GM2A: variants seen among roughly 807,000 people sequenced by gnomAD.
GM2A encodes ganglioside GM2 activator, also known as GM2 ganglioside activator.
Under a neutral mutation model 12.9 loss-of-function variants are expected in GM2A, and 7 were observed. That is an observed-to-expected ratio of 0.54 (90% CI 0.31 to 1.02). GM2A has a LOEUF of 1.02. Among genes scored for constraint, GM2A ranks in the 50% least tolerant of loss-of-function variants. The probability of loss-of-function intolerance (pLI) is 0.05; values close to 1 mark genes in which losing one functional copy is unlikely to be tolerated. For synonymous variants in GM2A, 101 were observed against 96.0 expected (o/e 1.05, Z -0.30); for missense variants, 246 against 241.0 (o/e 1.02, Z -0.14).
Position 151,267,394 on chromosome 5 carries a change from C to G in GM2A, c.525C>G (p.Ser175Arg). ...ACTACCGCATAGAGAGCGTCCTGAG[C>G]AGCAGTGGGAAGCGTCTGGGCTGCA... ...TGNYRIESVL[S>R]SSGKRLGCIK... The change falls in exon 4 of 4, where the codon AGC becomes AGG. Residue 175 changes from serine (S) to arginine (R), a missense_variant. Transcript: ENST00000357164. The G allele has an allele frequency of 6.2e-7, 1 of 1,614,176 alleles. No homozygotes were observed. Among genetic ancestry groups the G allele is most frequent in the South Asian group, 1.1e-5 (1 of 91,072 alleles).
At chr5:151,257,362 G>T (rs904784000) in intron 1 of GM2A, among the ~76,000 whole-genome samples, 9 of 151,986 alleles carry the variant, frequency 5.9e-5, no homozygotes, top group African/African-American at 2.2e-4. Flanking sequence ...GGAAAGAAGA[G>T]CTTAGGAGAG....
chr5:151,259,662 C>G (rs1421838907), intron 1 of GM2A, 93 bp from the exon 2 acceptor site: 2 of 1,222,306 alleles, frequency 1.6e-6, no homozygotes, highest in East Asian at 4.8e-5. Flanking sequence ...CCCAAGGTCA[C>G]TCTGCCAGGA....
intron 1 of GM2A, among the ~76,000 whole-genome samples, chr5:151,258,906 G>A (rs1394792437): frequency 6.6e-6 from 1 of 152,138 alleles, no homozygotes; most frequent in Non-Finnish European, 1.5e-5. Context: ...GGAGAGGTGA[G>A]AGTGGGTGGG....
chr5:151,267,030 T>C, intron 3 of GM2A, 117 bp downstream of exon 3: 1 of 951,166 alleles, frequency 1.1e-6, no homozygotes, highest in Non-Finnish European at 1.7e-6. Flanking sequence ...TGTAAGCCAG[T>C]GTGACCTATC....
chr5:151,264,539 CA>C (rs2127238912), intron 2 of GM2A, among the ~76,000 whole-genome samples: 1 of 152,254 alleles, frequency 6.6e-6, no homozygotes, highest in African/African-American at 2.4e-5. Flanking sequence ...ATTGGCGACA[CA>C]AGGAGAGAGT....
Position 151,269,397 on chromosome 5 carries a change from G to T in GM2A, c.*1946G>T. On this transcript the variant is annotated 3_prime_UTR_variant, in exon 4 of 4. Transcript: ENST00000357164. ...GACGGACCCTTCTGCAGGAGCTTGA[G>T]CTTGCTTGTTGTCTCTGCTTCATCG... is the stretch of plus-strand genomic sequence containing the variant. 1 of 985,424 alleles carries T rather than the reference G, an allele frequency of 1.0e-6. No homozygotes were observed. The highest frequency in any genetic ancestry group is 1.2e-6 in the Non-Finnish European group (1 of 829,952). The allele number at this position is 985,424 out of a possible 1,614,324, so 61.0% of individuals were successfully genotyped here.
chr5:151,262,985 C>G (rs1317026738), intron 2 of GM2A, among the ~76,000 whole-genome samples: 1 of 152,148 alleles, frequency 6.6e-6, no homozygotes, highest in Non-Finnish European at 1.5e-5. Context: ...GCTTTATTAC[C>G]TTTCATAAAT....
rs116436311 is a variant in GM2A at position 151,253,403 on chromosome 5, G to C, written c.81+106G>C. 972 of 784,312 alleles carry C rather than the reference G, an allele frequency of 1.2e-3. 3 individuals carry two copies. In the African/African-American group the frequency reaches 0.015, roughly 12 times the overall value. 48.6% of individuals were successfully genotyped at this position (784,312 alleles called of 1,614,324 possible). On this transcript the variant is annotated intron_variant, in intron 1 of 3. Transcript: ENST00000357164. Reference sequence around the variant, plus strand: ...GTGGCCACTCCGTTCTCTAGAATTGGTTCTCTGCACTAGAGCCTTCCAAAG... The same window carrying C: ...GTGGCCACTCCGTTCTCTAGAATTGCTTCTCTGCACTAGAGCCTTCCAAAG...
Position 151,267,365 on chromosome 5 carries a change from G to A in GM2A, c.496G>A (p.Gly166Arg), listed in dbSNP as rs764022955. The change falls in exon 4 of 4, where the codon GGG (glycine) becomes AGG (arginine). Residue 166 changes from glycine (G) to arginine (R), a missense_variant. Coordinates refer to ENST00000357164, the MANE Select transcript of GM2A (RefSeq NM_000405.5). ...DLELPSWLTTGNYRIESVLSS... is the reference protein window; with the variant it reads ...DLELPSWLTTRNYRIESVLSS... Reference sequence around the variant, plus strand: ...GGAGCTGCCCAGTTGGCTCACCACCGGGAACTACCGCATAGAGAGCGTCCT... The same window carrying A: ...GGAGCTGCCCAGTTGGCTCACCACCAGGAACTACCGCATAGAGAGCGTCCT... The A allele has an allele frequency of 4.2e-5, 67 of 1,614,050 alleles. No individual in the cohort carries two copies. Among genetic ancestry groups the A allele is most frequent in the Admixed American group, 6.7e-5 (4 of 60,008 alleles).
Position 151,267,648 on chromosome 5 carries a change from T to G in GM2A, c.*197T>G. 17 of 1,508,690 alleles carry G rather than the reference T, an allele frequency of 1.1e-5. No homozygotes were observed. Among genetic ancestry groups the G allele is most frequent in the Non-Finnish European group, 1.5e-5 (17 of 1,129,322 alleles). The allele number at this position is 1,508,690 out of a possible 1,614,324, so 93.5% of individuals were successfully genotyped here. ...CAAGCAGCCCTGACCTAAGGGAGAA[T>G]GAGTTGGACAGTTCTTGATAGCCCA... is the stretch of plus-strand genomic sequence containing the variant. On this transcript the variant is annotated 3_prime_UTR_variant, in exon 4 of 4. Coordinates refer to ENST00000357164, the MANE Select transcript of GM2A (RefSeq NM_000405.5).
intron 2 of GM2A, among the ~76,000 whole-genome samples, chr5:151,264,532 G>A (rs558851970): frequency 6.6e-6 from 1 of 152,172 alleles, no homozygotes. Context: ...TTAGGGTATT[G>A]GCGACACAAG....
At chr5:151,256,772 C>T (rs191899745) in intron 1 of GM2A, among the ~76,000 whole-genome samples, 65 of 152,128 alleles carry the variant, frequency 4.3e-4, no homozygotes, top group African/African-American at 1.5e-3. Context: ...TGGATTTCAC[C>T]AGTTTTCCCA....
intron 2 of GM2A, among the ~76,000 whole-genome samples, chr5:151,263,980 C>T (rs1340869352): frequency 6.6e-6 from 1 of 152,154 alleles, no homozygotes; most frequent in East Asian, 1.9e-4. Context: ...GGGGCCTGCT[C>T]AGGAGCTCCC....
chr5:151,263,944 C>T (rs930997903), intron 2 of GM2A, among the ~76,000 whole-genome samples: 4 of 152,132 alleles, frequency 2.6e-5, no homozygotes, highest in South Asian at 2.1e-4. Context: ...TTAAATGTCC[C>T]GGATTCCATG....
At position 151,269,521 on chromosome 5, in the gene GM2A, A is replaced by G. The variant is rs568732529; in HGVS notation, c.*2070A>G. 72 of 872,206 alleles carry G rather than the reference A, an allele frequency of 8.3e-5. 1 individual carries two copies. The highest frequency in any genetic ancestry group is 9.8e-5 in the Non-Finnish European group (71 of 726,614). 54.0% of individuals were successfully genotyped at this position (872,206 alleles called of 1,614,324 possible). On this transcript the variant is annotated 3_prime_UTR_variant, in exon 4 of 4. Coordinates refer to ENST00000357164, the MANE Select transcript of GM2A (RefSeq NM_000405.5). ...CCATTGAACAGGTCCCAGAGACAAA[A>G]TCTTTTTATCTGAGGAATTTAAAAG...
chr5:151,261,625 G>C (rs546266267), intron 2 of GM2A, among the ~76,000 whole-genome samples: 3 of 151,934 alleles, frequency 2.0e-5, no homozygotes, highest in Non-Finnish European at 4.4e-5. Context: ...TTTTAGTAGA[G>C]ATGGGGTTTC....
At chr5:151,266,676 C>T (rs1032033749) in intron 2 of GM2A, 55 bp from the exon 3 acceptor site, 1 of 1,373,912 alleles carries the variant, frequency 7.3e-7, no homozygotes, top group East Asian at 2.3e-5. Flanking sequence ...TATGTTTGCC[C>T]TGGAATTTAC....
Position 151,268,881 on chromosome 5 carries a change from A to G in GM2A, c.*1430A>G. 1.0e-6 allele frequency: 1 copy of G among 985,490 alleles called. No individual in the cohort carries two copies. The allele number at this position is 985,490 out of a possible 1,614,324, so 61.0% of individuals were successfully genotyped here. A position where few individuals can be genotyped will look rare whatever the true frequency, so the allele number is the denominator to read the frequency against. ...CGTGCATGCCTTGTCCTCTTAAGAC[A>G]ACTCCTGTGGCACCGTTTCTCCCTC... On this transcript the variant is annotated 3_prime_UTR_variant, in exon 4 of 4. Transcript: ENST00000357164.
intron 1 of GM2A, among the ~76,000 whole-genome samples, chr5:151,256,679 T>A (rs1232632918): frequency 6.6e-6 from 1 of 151,998 alleles, no homozygotes; most frequent in Non-Finnish European, 1.5e-5. Flanking sequence ...CAGTTTTCCC[T>A]GTTAGCATCT....
Sources: allele counts gnomAD v4.1 joint callset (sites outside exome capture counted in the v4.1 genomes callset), GRCh38; gene constraint gnomAD v4.1.1; transcripts MANE v1.5; gene names NCBI Gene and HGNC (gene_info 2026-07-23, HGNC 2026-07-21).